Variants in DLGAP2 observed in about 807,000 individuals in gnomAD.
DLGAP2 encodes disks large-associated protein 2.
Under a neutral mutation model 100.3 loss-of-function variants are expected in DLGAP2, and 26 were observed. The ratio of observed to expected loss-of-function variants is 0.26; its 90% CI spans 0.19 to 0.36. DLGAP2 has a LOEUF of 0.36. Ranked by LOEUF, DLGAP2 falls within the 10% of genes least tolerant of loss-of-function variation. The pLI, the probability that DLGAP2 is intolerant of heterozygous loss-of-function variation, is 1.00. For synonymous variants in DLGAP2, 886 were observed against 630.1 expected, an observed-to-expected ratio of 1.41 and a Z score of -6.08; for missense variants, 1,858 against 1,453.2, an observed-to-expected ratio of 1.28 and a Z score of -4.53.
intron 3 of DLGAP2, among the ~76,000 whole-genome samples, chr8:1,327,515 A>AC (rs1013368763): frequency 9.2e-5 from 14 of 152,284 alleles, no homozygotes; most frequent in African/African-American, 3.4e-4. Context: ...GTTGAACTTG[A>AC]CCTTTTTAAA....
At position 1,697,127 on chromosome 8, in the gene DLGAP2, C is replaced by A. The variant is rs746638927; in HGVS notation, c.2797-20C>A. 2.0e-6 allele frequency: 3 copies of A among 1,526,056 alleles called. No homozygotes were observed. In the South Asian group the frequency reaches 3.9e-5, roughly 20 times the overall value. The allele number at this position is 1,526,056 out of a possible 1,614,324, so 94.5% of individuals were successfully genotyped here. On this transcript the variant is annotated intron_variant, in intron 13 of 14. Transcript: ENST00000637795. ...CGCAGGAGACTCTCCTGGCTCTGAA[C>A]ACCCTGTGTGTGTCCCCAGGACCCC...
intron 2 of DLGAP2, among the ~76,000 whole-genome samples, chr8:974,304 T>C (rs1481382410): frequency 2.0e-5 from 3 of 152,146 alleles, no homozygotes; most frequent in Admixed American, 1.3e-4. Context: ...GGGGTAAGGA[T>C]AAGAATTACT....
chr8:745,084 C>T (rs1321092793), intron 1 of DLGAP2, among the ~76,000 whole-genome samples: 7 of 152,210 alleles, frequency 4.6e-5, no homozygotes, highest in Admixed American at 2.6e-4. Context: ...GTTACGCCAC[C>T]GTCCCTTCTC....
At position 846,599 on chromosome 8, in the gene DLGAP2, A is replaced by G. The variant is rs549831754; in HGVS notation, c.19-61313A>G. ...GATGAATAGTGCTGCAGTGAACATG[A>G]TAGTGCAGAGATCTCTTTGACACTA... On this transcript the variant is annotated intron_variant, in intron 1 of 14. Coordinates refer to ENST00000637795, the MANE Select transcript of DLGAP2 (RefSeq NM_001346810.2). 1.2e-4 allele frequency among the ~76,000 whole-genome samples: 19 copies of G among 152,342 alleles called. 1 individual carries two copies. The South Asian group carries it at 3.1e-3, about 25-fold the overall frequency.
At chr8:941,022 A>G (rs1217822189) in intron 2 of DLGAP2, among the ~76,000 whole-genome samples, 2 of 152,142 alleles carry the variant, frequency 1.3e-5, no homozygotes, top group Non-Finnish European at 1.5e-5. Flanking sequence ...GGAATCACAC[A>G]TAGTTAGCCT....
At chr8:920,380 G>C (rs1393296969) in intron 2 of DLGAP2, among the ~76,000 whole-genome samples, 4 of 152,230 alleles carry the variant, frequency 2.6e-5, no homozygotes, top group Non-Finnish European at 5.9e-5. Context: ...CAGGTTCAAG[G>C]ACTGTAGAAG....
chr8:1,032,456 C>CAA (rs1802003104), intron 2 of DLGAP2: 1 of 152,246 alleles, frequency 6.6e-6, no homozygotes, highest in South Asian at 2.1e-4. Context: ...AGAATAATTC[C>CAA]AAGCCAGCCT....
chr8:1,111,448 C>T (rs927878170), intron 2 of DLGAP2, among the ~76,000 whole-genome samples: 1 of 151,742 alleles, frequency 6.6e-6, no homozygotes, highest in Admixed American at 6.6e-5. Flanking sequence ...AGGCTTCTTA[C>T]TTAGGTTAAC....
chr8:794,164 A>G (rs1197619192), intron 1 of DLGAP2, among the ~76,000 whole-genome samples: 1 of 136,738 alleles, frequency 7.3e-6, no homozygotes, highest in African/African-American at 2.9e-5. Context: ...CATATGAGTG[A>G]GGTTGGGATG....
rs533129823 is a variant in DLGAP2 at position 1,589,675 on chromosome 8, T to G, written c.1442+23781T>G. ...GTAGCCCAGGCTGGTCTCAAACTCC[T>G]GGGCTCAAGCAATCCACCCGCCCAA... On this transcript the variant is annotated intron_variant, in intron 6 of 14. Transcript: ENST00000637795. Among the ~76,000 whole-genome samples the G allele has an allele frequency of 2.6e-5, 4 of 152,350 alleles. No homozygotes were observed. The South Asian group carries it at 8.3e-4, about 32-fold the overall frequency.
intron 1 of DLGAP2, among the ~76,000 whole-genome samples, chr8:870,235 C>T (rs986932356): frequency 6.6e-6 from 1 of 152,160 alleles, no homozygotes; most frequent in Non-Finnish European, 1.5e-5. Context: ...CTGACAGGAT[C>T]CCTGAGCTGT....
chr8:1,166,063 G>A lies in DLGAP2; in HGVS notation c.74-92788G>A, dbSNP rs1014602853. On this transcript the variant is annotated intron_variant, in intron 2 of 14. Coordinates refer to ENST00000637795, the MANE Select transcript of DLGAP2 (RefSeq NM_001346810.2). ...TAACCCATGGGTGCTCTTTGCCCAA[G>A]GTTATCTAAAGAGGAGGCTCTTGCC... Among the ~76,000 whole-genome samples the A allele has an allele frequency of 5.9e-5, 9 of 152,338 alleles. No homozygotes were observed. The East Asian group carries it at 1.5e-3, about 26-fold the overall frequency.
At chr8:968,246 C>T (rs1015547135) in intron 2 of DLGAP2, among the ~76,000 whole-genome samples, 3 of 152,126 alleles carry the variant, frequency 2.0e-5, no homozygotes, top group African/African-American at 4.8e-5. Flanking sequence ...CAGCTATGCC[C>T]GTGGGGCCCC....
intron 4 of DLGAP2, among the ~76,000 whole-genome samples, chr8:1,536,973 C>G (rs887477712): frequency 6.6e-6 from 1 of 152,066 alleles, no homozygotes; most frequent in East Asian, 1.9e-4. Flanking sequence ...TCATTTAATG[C>G]TCACCACGAC....
At chr8:1,253,056 G>GGCCCACGGCAAATGCC (rs1246454122) in intron 2 of DLGAP2, among the ~76,000 whole-genome samples, 4 of 152,186 alleles carry the variant, frequency 2.6e-5, no homozygotes, top group Admixed American at 1.3e-4. Context: ...TGCACTGCAC[G>GGCCCACGGCAAATGCC]GCCCACGGCA....
chr8:1,276,214 C>G (rs376123612), intron 3 of DLGAP2, among the ~76,000 whole-genome samples: 167 of 150,774 alleles, frequency 1.1e-3, no homozygotes, highest in African/African-American at 3.9e-3. Context: ...CAACACTCCC[C>G]CCCCGACCCT....
chr8:1,685,995 C>G (rs754170060), intron 12 of DLGAP2, among the ~76,000 whole-genome samples: 21 of 152,164 alleles, frequency 1.4e-4, no homozygotes, highest in Non-Finnish European at 1.9e-4. Context: ...GAAGTAGCCA[C>G]TATGGAAAGC....
intron 2 of DLGAP2, among the ~76,000 whole-genome samples, chr8:1,178,191 A>G (rs1363219441): frequency 6.6e-6 from 1 of 152,228 alleles, no homozygotes. Context: ...TCAGGAAGAT[A>G]GTAGTTAAAT....
intron 1 of DLGAP2, among the ~76,000 whole-genome samples, chr8:807,783 C>T (rs1163615105): frequency 6.6e-6 from 1 of 152,154 alleles, no homozygotes; most frequent in African/African-American, 2.4e-5. Flanking sequence ...TCTCTTTTTA[C>T]TGCTACCCAT....
Sources: allele counts gnomAD v4.1 joint callset (sites outside exome capture counted in the v4.1 genomes callset), GRCh38; gene constraint gnomAD v4.1.1; transcripts MANE v1.5; gene names NCBI Gene and HGNC (gene_info 2026-07-23, HGNC 2026-07-21).